The following TBC1D12 variants were observed in gnomAD, a reference collection of about 807,000 sequenced individuals.
TBC1D12 encodes TBC1 domain family, member 12.
A neutral mutation model predicts 86.7 loss-of-function variants in TBC1D12; 56 were observed. The ratio of observed to expected loss-of-function variants is 0.65; its 90% CI spans 0.52 to 0.81. The LOEUF is 0.81. Ranked by LOEUF, TBC1D12 falls within the 30% of genes least tolerant of loss-of-function variation. TBC1D12 has a pLI of 0.00. For missense variants in TBC1D12, 1,023 were observed against 1,038.8 expected (o/e 0.98, Z 0.21); for synonymous variants, 421 against 411.7 (o/e 1.02, Z -0.27).
chr10:94,402,688 C>G lies in TBC1D12; in HGVS notation c.75C>G (p.Pro25=), dbSNP rs751417358. ...PKLLPVPAPD[P]VGQDRKVIRA... is the part of the protein sequence containing the mutation. The stretch of plus-strand genomic sequence containing the variant: ...TGCTCCCGGTGCCTGCGCCGGACCC[C>G]GTGGGCCAGGACAGGAAGGTAATCC... The change falls in exon 1 of 13, where the codon CCC becomes CCG. Residue 25 remains proline (P), a synonymous_variant. Coordinates refer to ENST00000225235, the MANE Select transcript of TBC1D12 (RefSeq NM_015188.2). 34 of 1,603,246 alleles carry G rather than the reference C, an allele frequency of 2.1e-5. No homozygotes were observed. The highest frequency in any genetic ancestry group is 2.6e-5 in the Non-Finnish European group (31 of 1,175,578).
intron 12 of TBC1D12, 100 bp from the exon 13 acceptor site, chr10:94,532,928 A>G (rs1009621506): frequency 1.5e-6 from 1 of 679,148 alleles, no homozygotes; most frequent in Non-Finnish European, 2.4e-6. Context: ...AGTGTTAAGT[A>G]TAATAAAGCT....
intron 2 of TBC1D12, among the ~76,000 whole-genome samples, chr10:94,448,534 T>A (rs2055504101): frequency 6.6e-6 from 1 of 152,156 alleles, no homozygotes; most frequent in Admixed American, 6.5e-5. Context: ...TAGAATGCAG[T>A]GGCACAATCA....
intron 1 of TBC1D12, among the ~76,000 whole-genome samples, chr10:94,438,119 G>A (rs8181409): frequency 5.5e-5 from 8 of 146,694 alleles, no homozygotes; most frequent in Admixed American, 2.8e-4. Flanking sequence ...ATACTTTCCC[G>A]TTTCTTGGTA....
intron 12 of TBC1D12, among the ~76,000 whole-genome samples, chr10:94,532,120 T>A (rs1045763476): frequency 1.3e-4 from 19 of 151,942 alleles, no homozygotes; most frequent in Non-Finnish European, 2.5e-4. Context: ...GACCTTGTGA[T>A]CCACTCGTCT....
intron 2 of TBC1D12, among the ~76,000 whole-genome samples, chr10:94,464,347 A>G (rs1402272463): frequency 6.6e-6 from 1 of 150,962 alleles, no homozygotes; most frequent in Non-Finnish European, 1.5e-5. Context: ...TTGAATGAGT[A>G]TTTTTGTCAC....
chr10:94,514,039 C>CA (rs1011839733), intron 9 of TBC1D12, among the ~76,000 whole-genome samples: 142 of 98,118 alleles, frequency 1.4e-3, no homozygotes, highest in African/African-American at 3.3e-3. Context: ...TAATAAATCT[C>CA]AAAAAAAAAA....
chr10:94,402,629 G>A lies in TBC1D12; in HGVS notation c.16G>A (p.Asp6Asn), dbSNP rs2054781555. 5 of 1,611,914 alleles carry A rather than the reference G, an allele frequency of 3.1e-6. No individual in the cohort carries two copies. Among genetic ancestry groups the A allele is most frequent in the Middle Eastern group, 1.7e-4 (1 of 6,052 alleles). Residue 6 changes from aspartate to asparagine, a missense_variant, in exon 1 of 13, where the codon GAT becomes AAT. Asp to Asn is a conservative substitution (Grantham distance 23, BLOSUM62 1). Transcript: ENST00000225235. ...CCACCCCCAGATGGTGGGTCCGGAG[G>A]ATGCCGGAGCCTGCTCGGGAAGAAA... MVGPEDAGACSGRNPK... is the reference protein window; with the variant it reads MVGPENAGACSGRNPK...
chr10:94,430,663 T>C (rs1158933721), intron 1 of TBC1D12, among the ~76,000 whole-genome samples: 1 of 152,092 alleles, frequency 6.6e-6, no homozygotes, highest in Non-Finnish European at 1.5e-5. Flanking sequence ...GTGAAGCAAA[T>C]GTTAACATGT....
Position 94,441,927 on chromosome 10 carries a change from A to C in TBC1D12, c.1003A>C (p.Lys335Gln). The C allele has an allele frequency of 6.2e-7, 1 of 1,613,200 alleles. No individual in the cohort carries two copies. The highest frequency in any genetic ancestry group is 1.7e-5 in the Admixed American group (1 of 59,908). ...NLFPKRTKELKSVVHSAPGWK... is the reference protein window; with the variant it reads ...NLFPKRTKELQSVVHSAPGWK... ...TTTTCCAAAAAGGACAAAGGAACTC[A>C]AATCAGTTGTCCATAGTGCTCCTGG... Residue 335 changes from lysine (K) to glutamine (Q), a missense_variant, in exon 2 of 13, where the codon AAA becomes CAA. Transcript: ENST00000225235.
intron 9 of TBC1D12, among the ~76,000 whole-genome samples, chr10:94,519,604 C>T (rs1402295167): frequency 1.3e-5 from 2 of 152,302 alleles, no homozygotes; most frequent in East Asian, 3.9e-4. Flanking sequence ...GGTCAGAAGT[C>T]TGAAATAGAC....
chr10:94,441,156 G>GT lies in TBC1D12; in HGVS notation c.972-729dup, dbSNP rs993773124. Among the ~76,000 whole-genome samples the GT allele has an allele frequency of 8.7e-3, 1,246 of 143,132 alleles. 20 individuals carry two copies. Among genetic ancestry groups the GT allele is most frequent in the African/African-American group, 0.028 (1,110 of 39,312 alleles). The allele number at this position is 143,132 out of a possible 152,430, so 93.9% of individuals were successfully genotyped here. ...AGCCATCGCACCTGTCCTGGGTTTT[G>GT]TTTTTTTTTTTCTAGATTTTTCAGT... is the stretch of plus-strand genomic sequence containing the variant. On this transcript the variant is annotated intron_variant, in intron 1 of 12. Transcript: ENST00000225235.
intron 4 of TBC1D12, among the ~76,000 whole-genome samples, chr10:94,495,304 G>A (rs1000297961): frequency 6.6e-6 from 1 of 152,082 alleles, no homozygotes; most frequent in Admixed American, 6.6e-5. Context: ...AATTACAGGC[G>A]TGAGCCACCA....
At chr10:94,405,046 CAAAAAAAAA>C (rs59300913) in intron 1 of TBC1D12, among the ~76,000 whole-genome samples, 2 of 112,346 alleles carry the variant, frequency 1.8e-5, no homozygotes, top group Non-Finnish European at 3.7e-5. Context: ...AGACTTCTCT[CAAAAAAAAA>C]AAAAAAAAGG....
chr10:94,447,532 A>G (rs1338654572), intron 2 of TBC1D12: 1 of 840,996 alleles, frequency 1.2e-6, no homozygotes, highest in East Asian at 1.2e-4. Context: ...TTAGGATTAT[A>G]GCAAAATCAA....
chr10:94,405,711 G>C (rs2054844048), intron 1 of TBC1D12, among the ~76,000 whole-genome samples: 1 of 152,168 alleles, frequency 6.6e-6, no homozygotes, highest in South Asian at 2.1e-4. Flanking sequence ...ATTGTGAATA[G>C]AGATGATTTA....
At chr10:94,424,039 G>A (rs2055115177) in intron 1 of TBC1D12, among the ~76,000 whole-genome samples, 1 of 151,778 alleles carries the variant, frequency 6.6e-6, no homozygotes, top group South Asian at 2.1e-4. Context: ...CATTTACATT[G>A]CATTAGGTAT....
chr10:94,422,253 G>T (rs963077981), intron 1 of TBC1D12, among the ~76,000 whole-genome samples: 1 of 144,494 alleles, frequency 6.9e-6, no homozygotes, highest in Non-Finnish European at 1.5e-5. Flanking sequence ...GCAGTGTCGC[G>T]ATCTCAGCTA....
At chr10:94,418,369 T>A (rs1417019587) in intron 1 of TBC1D12, among the ~76,000 whole-genome samples, 1 of 152,162 alleles carries the variant, frequency 6.6e-6, no homozygotes, top group Non-Finnish European at 1.5e-5. Context: ...GATTACAGCA[T>A]CTGTAACTGA....
At chr10:94,531,832 ATGTTATTTTATTT>A (rs1842435844) in intron 12 of TBC1D12, among the ~76,000 whole-genome samples, 19 of 142,656 alleles carry the variant, frequency 1.3e-4, no homozygotes, top group South Asian at 2.2e-4. Flanking sequence ...ATTTTATTTT[ATGTTATTTTATTT>A]TATGTTATTT....
Sources: allele counts gnomAD v4.1 joint callset (sites outside exome capture counted in the v4.1 genomes callset), GRCh38; gene constraint gnomAD v4.1.1; transcripts MANE v1.5; gene names NCBI Gene and HGNC (gene_info 2026-07-23, HGNC 2026-07-21).